Variants in FBP1 observed in about 807,000 individuals in gnomAD.
The protein encoded by FBP1 is fructose-bisphosphatase 1.
A neutral mutation model predicts 29.9 loss-of-function variants in FBP1; 22 were observed. The observed-to-expected ratio is 0.74, with a 90% confidence interval of 0.53 to 1.05. The LOEUF (loss-of-function observed/expected upper bound fraction) is 1.05, where lower values mean the gene tolerates loss of function less well. Ranked by LOEUF, FBP1 falls within the 50% of genes least tolerant of loss-of-function variation. FBP1 has a pLI of 0.00. For missense variants in FBP1, 345 were observed against 448.2 expected (o/e 0.77, Z 2.08); for synonymous variants, 175 against 178.6 (o/e 0.98, Z 0.16).
intron 2 of FBP1, among the ~76,000 whole-genome samples, chr9:94,618,787 G>A (rs896328542): frequency 6.6e-6 from 1 of 152,106 alleles, no homozygotes; most frequent in South Asian, 2.1e-4. Context: ...AGGAGCTAAC[G>A]GTGCACATCT....
At chr9:94,625,959 A>G (rs994899215) in intron 1 of FBP1, among the ~76,000 whole-genome samples, 7 of 152,156 alleles carry the variant, frequency 4.6e-5, no homozygotes, top group Non-Finnish European at 8.8e-5. Flanking sequence ...TAGCACCTGC[A>G]TGGATGGGGC....
chr9:94,609,965 C>A lies in FBP1; in HGVS notation c.523G>T (p.Val175Phe), dbSNP rs765917668. 2 of 1,614,092 alleles carry A rather than the reference C, an allele frequency of 1.2e-6. No individual in the cohort carries two copies. The highest frequency in any genetic ancestry group is 1.7e-6 in the Non-Finnish European group (2 of 1,180,036). The change falls in exon 4 of 7, where the codon GTC (valine) becomes TTC (phenylalanine). Residue 175 changes from valine (V) to phenylalanine (F), a missense_variant. Coordinates refer to ENST00000375326, the MANE Select transcript of FBP1 (RefSeq NM_000507.4). ...TTGACCCCACAGTCCATGGCAAGGACCAGCATGGTGGCACTGCCATACAGT... is the reference window on the plus strand; with the variant it reads ...TTGACCCCACAGTCCATGGCAAGGAACAGCATGGTGGCACTGCCATACAGT... ...YALYGSATML[V>F]LAMDCGVNCF...
chr9:94,608,853 G>A (rs1827739618), intron 4 of FBP1, among the ~76,000 whole-genome samples: 1 of 152,040 alleles, frequency 6.6e-6, no homozygotes, highest in African/African-American at 2.4e-5. Context: ...CAGTTTGCCA[G>A]CAAAAAGCAC....
At chr9:94,613,544 C>A (rs1827816601) in intron 3 of FBP1, among the ~76,000 whole-genome samples, 1 of 151,794 alleles carries the variant, frequency 6.6e-6, no homozygotes, top group South Asian at 2.1e-4. Flanking sequence ...GCGGGAGGAT[C>A]GCCTCAGCCC....
chr9:94,605,019 C>G (rs1827676326), intron 6 of FBP1, among the ~76,000 whole-genome samples: 1 of 152,140 alleles, frequency 6.6e-6, no homozygotes, highest in African/African-American at 2.4e-5. Context: ...TATCGTTTTC[C>G]AAGTAGTGGA....
intron 1 of FBP1, among the ~76,000 whole-genome samples, chr9:94,633,430 A>C (rs1387276421): frequency 6.6e-6 from 1 of 152,156 alleles, no homozygotes; most frequent in Non-Finnish European, 1.5e-5. Context: ...CTATACCCCC[A>C]AAAGTGTAAA....
intron 3 of FBP1, among the ~76,000 whole-genome samples, chr9:94,615,157 C>G (rs1210702155): frequency 6.6e-6 from 1 of 152,194 alleles, no homozygotes; most frequent in African/African-American, 2.4e-5. Context: ...ATCCGCCCGC[C>G]TGGGCCTCCC....
chr9:94,621,049 T>TA (rs1324215638), intron 1 of FBP1, among the ~76,000 whole-genome samples: 1 of 151,496 alleles, frequency 6.6e-6, no homozygotes, highest in Non-Finnish European at 1.5e-5. Flanking sequence ...CCGTCTCTAT[T>TA]AAAAAATACA....
intron 1 of FBP1, among the ~76,000 whole-genome samples, chr9:94,621,398 A>AAAATATATAT (rs58726402): frequency 0.011 from 1,654 of 146,204 alleles, 23 homozygotes; most frequent in South Asian, 0.013. Flanking sequence ...TCCGTCTAAA[A>AAAATATATAT]ATATATATAT....
At chr9:94,607,419 T>C (rs1253318959) in intron 4 of FBP1, among the ~76,000 whole-genome samples, 1 of 152,192 alleles carries the variant, frequency 6.6e-6, no homozygotes, top group Non-Finnish European at 1.5e-5. Flanking sequence ...TGCTCAGCGC[T>C]GTTCTCGGCT....
intron 1 of FBP1, among the ~76,000 whole-genome samples, chr9:94,627,519 A>C (rs1828043656): frequency 6.6e-6 from 1 of 152,082 alleles, no homozygotes; most frequent in African/African-American, 2.4e-5. Context: ...TGTGGGTCTC[A>C]GCTCCTGGTG....
At chr9:94,618,886 C>T (rs1827901936) in intron 2 of FBP1, among the ~76,000 whole-genome samples, 1 of 152,168 alleles carries the variant, frequency 6.6e-6, no homozygotes, top group African/African-American at 2.4e-5. Flanking sequence ...GGCAAGTGGA[C>T]ATATCAGAGA....
In FBP1 at chr9:94,609,899, A is replaced by G. The variant is rs201081760; in HGVS notation, c.567+22T>C. On this transcript the variant is annotated intron_variant, in intron 4 of 6. Coordinates refer to ENST00000375326, the MANE Select transcript of FBP1 (RefSeq NM_000507.4). ...GCTCACAGACACCAGCCAAGCCCCC[A>G]GCCTCCTGTGAGGTCTCTCACCGGG... 2.4e-4 allele frequency: 385 copies of G among 1,613,582 alleles called. 1 individual carries two copies. Among genetic ancestry groups the G allele is most frequent in the Non-Finnish European group, 2.9e-4 (345 of 1,179,816 alleles).
At chr9:94,620,259 G>A (rs1214647440) in intron 2 of FBP1, 70 bp downstream of exon 2, 5 of 1,525,334 alleles carry the variant, frequency 3.3e-6, no homozygotes, top group Non-Finnish European at 4.5e-6. Flanking sequence ...CTGAACAAGT[G>A]GAGTCAATTA....
Position 94,605,579 on chromosome 9 carries a change from G to T in FBP1, c.706-3C>A. The T allele has an allele frequency of 6.2e-7, 1 of 1,613,822 alleles. No homozygotes were observed. The highest frequency in any genetic ancestry group is 8.5e-7 in the Non-Finnish European group (1 of 1,179,854). On this transcript the variant is annotated splice_region_variant and splice_polypyrimidine_tract_variant and intron_variant, in intron 5 of 6. Transcript: ENST00000375326. ...GCCCCATAAGGAGCTGAATTATCCT[G>T]CAAGTTAAGACCAGCAAGAATTAGG...
chr9:94,635,399 G>C (rs1563989901), intron 1 of FBP1, among the ~76,000 whole-genome samples: 2 of 152,196 alleles, frequency 1.3e-5, no homozygotes, highest in Non-Finnish European at 2.9e-5. Flanking sequence ...GTTACACCAG[G>C]CTCTGTGCTT....
At chr9:94,609,237 TTTGTG>T (rs1827746280) in intron 4 of FBP1, among the ~76,000 whole-genome samples, 1 of 151,190 alleles carries the variant, frequency 6.6e-6, no homozygotes, top group South Asian at 2.1e-4. Context: ...TAACTGAAGG[TTTGTG>T]TAAATGTACA....
In FBP1 at chr9:94,609,946, C is replaced by T. The variant is rs912222845; in HGVS notation, c.542G>A (p.Gly181Glu). ...ATMLVLAMDC[G>E]VNCFMLDPAI... is the part of the protein sequence containing the mutation. Reference sequence around the variant, plus strand: ...CGGGTCCAGCATGAAGCAGTTGACCCCACAGTCCATGGCAAGGACCAGCAT... The same window carrying T: ...CGGGTCCAGCATGAAGCAGTTGACCTCACAGTCCATGGCAAGGACCAGCAT... Residue 181 changes from glycine (G) to glutamate (E), a missense_variant, in exon 4 of 7, where the codon GGG (glycine) becomes GAG (glutamate). Gly to Glu is a moderately conservative substitution (Grantham distance 98). Transcript: ENST00000375326. The T allele has an allele frequency of 6.2e-7, 1 of 1,614,202 alleles. No homozygotes were observed. The highest frequency in any genetic ancestry group is 8.5e-7 in the Non-Finnish European group (1 of 1,180,046).
At chr9:94,631,636 TCTC>T (rs1451966343) in intron 1 of FBP1, among the ~76,000 whole-genome samples, 1 of 152,082 alleles carries the variant, frequency 6.6e-6, no homozygotes, top group Non-Finnish European at 1.5e-5. Flanking sequence ...CTTAGGACCA[TCTC>T]CTCCCGAAGT....
Sources: gnomAD v4.1 joint callset for allele counts (sites outside exome capture counted in the v4.1 genomes callset) on GRCh38, gnomAD v4.1.1 for gene constraint, MANE v1.5 for transcripts, NCBI Gene and HGNC (gene_info 2026-07-23, HGNC 2026-07-21) for gene names.